The following THSD7B variants were observed in gnomAD, a reference collection of about 807,000 sequenced individuals.
THSD7B encodes thrombospondin type-1 domain-containing protein 7B.
THSD7B carries 138 observed loss-of-function variants against 213.6 expected under a neutral mutation model. The ratio of observed to expected loss-of-function variants is 0.65; its 90% CI spans 0.56 to 0.74. THSD7B has a LOEUF of 0.74. THSD7B is among the 30% of genes least tolerant of loss of function. The pLI, the probability that THSD7B is intolerant of heterozygous loss-of-function variation, is 0.00. For synonymous variants in THSD7B, 742 were observed against 687.0 expected (o/e 1.08, Z -1.25); for missense variants, 1,931 against 1,991.5 (o/e 0.97, Z 0.58).
At chr2:137,665,852 A>G (rs1683436579) in intron 26 of THSD7B, among the ~76,000 whole-genome samples, 1 of 152,156 alleles carries the variant, frequency 6.6e-6, no homozygotes, top group African/African-American at 2.4e-5. Context: ...ATATGAAAAT[A>G]TTTCCAACCT....
chr2:137,604,806 A>T (rs987375416), intron 17 of THSD7B, among the ~76,000 whole-genome samples: 18 of 152,304 alleles, frequency 1.2e-4, no homozygotes, highest in African/African-American at 3.9e-4. Context: ...CTTAAAAAGT[A>T]TCTATGAATA....
intron 2 of THSD7B, among the ~76,000 whole-genome samples, chr2:136,989,586 C>CT (rs1392314607): frequency 2.6e-5 from 4 of 152,124 alleles, no homozygotes; most frequent in African/African-American, 9.7e-5. Flanking sequence ...AACCTAATTT[C>CT]TTTATAAATT....
chr2:137,169,376 C>A (rs189817764), intron 6 of THSD7B, among the ~76,000 whole-genome samples: 51 of 151,214 alleles, frequency 3.4e-4, no homozygotes, highest in African/African-American at 1.2e-3. Flanking sequence ...GTGTTCTAGC[C>A]TCCTTGGCTG....
intron 20 of THSD7B, among the ~76,000 whole-genome samples, chr2:137,625,403 A>ATTAT: frequency 6.6e-6 from 1 of 152,094 alleles, no homozygotes; most frequent in Non-Finnish European, 1.5e-5. Context: ...GCAGCACACC[A>ATTAT]ACATGACACA....
At chr2:137,294,300 G>A (rs922811993) in intron 12 of THSD7B, among the ~76,000 whole-genome samples, 1 of 151,818 alleles carries the variant, frequency 6.6e-6, no homozygotes, top group African/African-American at 2.4e-5. Flanking sequence ...GAAAGAGAGG[G>A]GGCTGGTTGC....
chr2:137,158,723 A>C (rs1207042108), intron 5 of THSD7B, among the ~76,000 whole-genome samples: 3 of 151,964 alleles, frequency 2.0e-5, no homozygotes, highest in Non-Finnish European at 4.4e-5. Context: ...TCAGTGCTGA[A>C]ATTTATTTTC....
At chr2:137,120,780 G>A (rs577611777) in intron 5 of THSD7B, among the ~76,000 whole-genome samples, 18 of 152,168 alleles carry the variant, frequency 1.2e-4, no homozygotes, top group African/African-American at 4.1e-4. Context: ...TACCTAGGCC[G>A]AGTGCAAACA....
intron 2 of THSD7B, among the ~76,000 whole-genome samples, chr2:136,929,863 T>C (rs1341693723): frequency 6.6e-6 from 1 of 152,210 alleles, no homozygotes; most frequent in Non-Finnish European, 1.5e-5. Flanking sequence ...ATGACCTTTA[T>C]GCAGTAGCAG....
intron 1 of THSD7B, among the ~76,000 whole-genome samples, chr2:136,844,190 G>T (rs111230335): frequency 5.0e-4 from 76 of 152,250 alleles, no homozygotes; most frequent in African/African-American, 1.5e-3. Flanking sequence ...TAAATAGAGA[G>T]AATTTAACAC....
intron 1 of THSD7B, among the ~76,000 whole-genome samples, chr2:136,789,026 G>A (rs1198959289): frequency 1.3e-5 from 2 of 152,014 alleles, no homozygotes; most frequent in Non-Finnish European, 2.9e-5. Context: ...AGTTGATTAG[G>A]AGGTACGTGT....
At chr2:137,561,644 A>G (rs10196420) in intron 15 of THSD7B, among the ~76,000 whole-genome samples, 4,301 of 152,094 alleles carry the variant, frequency 0.028, 214 homozygotes, top group African/African-American at 0.098. Flanking sequence ...CATCAGCTCA[A>G]TTTCTTAGTA....
At chr2:137,428,144 A>C (rs551313424) in intron 14 of THSD7B, among the ~76,000 whole-genome samples, 1 of 152,278 alleles carries the variant, frequency 6.6e-6, no homozygotes, top group Admixed American at 6.5e-5. Flanking sequence ...TGTATGATCC[A>C]AGGATTTAAG....
intron 1 of THSD7B, among the ~76,000 whole-genome samples, chr2:136,796,845 A>T (rs898689539): frequency 2.0e-5 from 3 of 151,894 alleles, no homozygotes; most frequent in African/African-American, 7.2e-5. Flanking sequence ...TTTAATAGTA[A>T]TTTAAAATTA....
chr2:137,074,412 G>C (rs962856921), intron 3 of THSD7B, among the ~76,000 whole-genome samples: 2 of 151,992 alleles, frequency 1.3e-5, no homozygotes, highest in Non-Finnish European at 2.9e-5. Flanking sequence ...TGCAACCCCT[G>C]CCTTTTTTTG....
At chr2:136,886,415 A>G (rs1029636679) in intron 2 of THSD7B, among the ~76,000 whole-genome samples, 2 of 152,138 alleles carry the variant, frequency 1.3e-5, no homozygotes, top group Admixed American at 6.6e-5. Context: ...AACCAAGGCC[A>G]TGGCAGTGGA....
chr2:137,538,536 A>C (rs542474016), intron 15 of THSD7B: 2 of 508,012 alleles, frequency 3.9e-6, no homozygotes, highest in South Asian at 2.9e-5. Context: ...GTTTTTATTT[A>C]GTGAAAAGAA....
At chr2:137,265,401 T>C (rs1399691153) in intron 10 of THSD7B, among the ~76,000 whole-genome samples, 5 of 152,206 alleles carry the variant, frequency 3.3e-5, no homozygotes, top group Non-Finnish European at 7.3e-5. Context: ...TGGAAGTCAG[T>C]GTGGCAATTC....
intron 7 of THSD7B, among the ~76,000 whole-genome samples, chr2:137,229,566 A>G (rs558808595): frequency 1.3e-5 from 2 of 152,272 alleles, no homozygotes; most frequent in South Asian, 4.1e-4. Flanking sequence ...GCTGTGCACT[A>G]TCTTCTCCTT....
intron 1 of THSD7B, among the ~76,000 whole-genome samples, chr2:136,803,039 G>A (rs1682217690): frequency 1.7e-5 from 2 of 118,954 alleles, no homozygotes; most frequent in African/African-American, 6.3e-5. Context: ...AAAGATGCTT[G>A]CTCATAAAAT....
Sources: gnomAD v4.1 joint callset for allele counts (sites outside exome capture counted in the v4.1 genomes callset) on GRCh38, gnomAD v4.1.1 for gene constraint, MANE v1.5 for transcripts, NCBI Gene and HGNC (gene_info 2026-07-23, HGNC 2026-07-21) for gene names.